The following SLC22A25 variants were observed in gnomAD, a reference collection of about 807,000 sequenced individuals.
SLC22A25 encodes the protein MGI:2442751, MGI:2385316, MGI:3042283, MGI:3645714, MGI:3605624, MGI:2442750.
Under a neutral mutation model 45.9 loss-of-function variants are expected in SLC22A25, and 44 were observed. The observed-to-expected ratio is 0.96, with a 90% CI of 0.75 to 1.23. The LOEUF is 1.23. SLC22A25 is among the 50% of genes most tolerant of loss of function. The pLI is 0.00. For synonymous variants in SLC22A25, 283 were observed against 238.6 expected, an observed-to-expected ratio of 1.19 and a Z score of -1.72; for missense variants, 800 against 666.4, an observed-to-expected ratio of 1.20 and a Z score of -2.21.
chr11:63,187,948 A>T (rs1484676055), intron 7 of SLC22A25, among the ~76,000 whole-genome samples: 1 of 152,178 alleles, frequency 6.6e-6, no homozygotes, highest in African/African-American at 2.4e-5. Flanking sequence ...TTGGTTTGCC[A>T]GTATTTTATT....
At chr11:63,235,287 G>A (rs1444178587) in intron 3 of SLC22A25, among the ~76,000 whole-genome samples, 1 of 152,202 alleles carries the variant, frequency 6.6e-6, no homozygotes. Context: ...ACACCAGTTA[G>A]ACGTAGATTT....
chr11:63,173,835 C>A (rs1480192672), intron 9 of SLC22A25, among the ~76,000 whole-genome samples: 2 of 151,744 alleles, frequency 1.3e-5, no homozygotes, highest in Admixed American at 1.3e-4. Flanking sequence ...TTGTTCAGTG[C>A]ATTGAATTTA....
Position 63,207,689 on chromosome 11 carries a change from C to A in SLC22A25, c.830+9625G>T, listed in dbSNP as rs1008206413. Among the ~76,000 whole-genome samples, 3 of 152,246 alleles carry A rather than the reference C, an allele frequency of 2.0e-5. No individual in the cohort carries two copies. The East Asian group carries it at 5.8e-4, about 29-fold the overall frequency. ...GCTGGAGTCCTTTAAAAATTAACTG[C>A]CTATTTTTCTGTGGCTAGTGAGCCT... On this transcript the variant is annotated intron_variant, in intron 7 of 11. Transcript: ENST00000306494.
chr11:63,199,726 G>T (rs2089177148), intron 7 of SLC22A25, among the ~76,000 whole-genome samples: 1 of 152,004 alleles, frequency 6.6e-6, no homozygotes, highest in Non-Finnish European at 1.5e-5. Context: ...GCAAGGCATT[G>T]TGGGTTGCAA....
chr11:63,192,356 A>G (rs2088846730), intron 7 of SLC22A25, among the ~76,000 whole-genome samples: 1 of 152,224 alleles, frequency 6.6e-6, no homozygotes, highest in Admixed American at 6.5e-5. Context: ...TATGGAAAAG[A>G]AAGTCCATTA....
intron 7 of SLC22A25, among the ~76,000 whole-genome samples, chr11:63,188,134 T>A (rs553664052): frequency 3.9e-5 from 6 of 152,358 alleles, no homozygotes; most frequent in African/African-American, 1.4e-4. Flanking sequence ...CAGCTCCTCT[T>A]TGTACCTCTG....
chr11:63,220,087 A>C, intron 5 of SLC22A25: 2 of 1,073,024 alleles, frequency 1.9e-6, no homozygotes, highest in Non-Finnish European at 2.5e-6. Context: ...ACAGACTGTG[A>C]CAATATTGTC....
intron 5 of SLC22A25, among the ~76,000 whole-genome samples, chr11:63,223,863 A>C (rs948434290): frequency 1.3e-5 from 2 of 151,888 alleles, no homozygotes; most frequent in African/African-American, 4.8e-5. Flanking sequence ...TTCTTAATCT[A>C]TTCATACCCA....
Position 63,217,399 on chromosome 11 carries a change from C to T in SLC22A25, c.745G>A (p.Gly249Arg). The T allele has an allele frequency of 6.2e-7, 1 of 1,613,976 alleles. No homozygotes were observed. Among genetic ancestry groups the T allele is most frequent in the Admixed American group, 1.7e-5 (1 of 59,932 alleles). Residue 249 changes from glycine (G) to arginine (R), a missense_variant, in exon 7 of 12, where the codon GGA becomes AGA. Coordinates refer to ENST00000306494, the MANE Select transcript of SLC22A25 (RefSeq NM_199352.6). ...CAASIGHITL[G>R]SLAFVIRDQC... Reference sequence around the variant, plus strand: ...TCTCGAATGACAAAAGCCAGGCTTCCCAGGGTTATATGTCCAATACTAGCA... The same window carrying T: ...TCTCGAATGACAAAAGCCAGGCTTCTCAGGGTTATATGTCCAATACTAGCA...
intron 5 of SLC22A25, 43 bp from the exon 6 acceptor site, chr11:63,217,778 C>A (rs759990945): frequency 5.1e-6 from 8 of 1,558,450 alleles, no homozygotes; most frequent in Non-Finnish European, 6.9e-6. Context: ...CAATAACAAC[C>A]TTTGGGAAAT....
In SLC22A25 at chr11:63,229,370, G is replaced by T; in HGVS notation, c.283C>A (p.Gln95Lys). Residue 95 changes from glutamine (Q) to lysine (K), a missense_variant, in exon 4 of 12, where the codon CAG (glutamine) becomes AAG (lysine). Coordinates refer to ENST00000306494, the MANE Select transcript of SLC22A25 (RefSeq NM_199352.6). ...PEKCRRFVHP[Q>K]WKLIHLNGTF... ...CCATTCAGATGAATGAGCTTCCACT[G>T]GGGATGGACAAAGCGACGACACTTC... is the stretch of plus-strand genomic sequence containing the variant. 1 of 1,614,078 alleles carries T rather than the reference G, an allele frequency of 6.2e-7. No homozygotes were observed. Among genetic ancestry groups the T allele is most frequent in the Middle Eastern group, 1.7e-4 (1 of 6,060 alleles).
chr11:63,240,860 C>T (rs899509902), intron 1 of SLC22A25, among the ~76,000 whole-genome samples: 2 of 152,148 alleles, frequency 1.3e-5, no homozygotes, highest in African/African-American at 4.8e-5. Flanking sequence ...TCCCATCCAA[C>T]CTGTTATGCA....
chr11:63,243,544 CA>C lies in SLC22A25; in HGVS notation c.-1107del. The stretch of plus-strand genomic sequence containing the variant: ...TCAAAGAGTCCAGCCCACTGACTGC[CA>C]AAAAGCTGTGCATTTATACCGACAA... On this transcript the variant is annotated 5_prime_UTR_variant, in exon 1 of 12. The change creates a premature stop within an existing upstream ORF in the 5' untranslated region. Coordinates refer to ENST00000306494, the MANE Select transcript of SLC22A25 (RefSeq NM_199352.6). 1 of 763,112 alleles carries C rather than the reference CA, an allele frequency of 1.3e-6. No individual in the cohort carries two copies. 47.3% of individuals were successfully genotyped at this position (763,112 alleles called of 1,614,324 possible). A position where few individuals can be genotyped will look rare whatever the true frequency, so the allele number is the denominator to read the frequency against.
chr11:63,220,989 T>C (rs2089840241), intron 5 of SLC22A25, among the ~76,000 whole-genome samples: 1 of 152,182 alleles, frequency 6.6e-6, no homozygotes, highest in Non-Finnish European at 1.5e-5. Context: ...ATACTCTACT[T>C]TGTATATGTA....
chr11:63,232,993 C>T (rs1224151656), intron 3 of SLC22A25, among the ~76,000 whole-genome samples: 3 of 152,152 alleles, frequency 2.0e-5, no homozygotes, highest in Admixed American at 6.5e-5. Flanking sequence ...CCCACTTGAT[C>T]ATGGTGGATA....
chr11:63,172,377 A>AT (rs2087919705), intron 9 of SLC22A25, among the ~76,000 whole-genome samples: 1 of 152,188 alleles, frequency 6.6e-6, no homozygotes, highest in Admixed American at 6.6e-5. Context: ...AATGGGATAA[A>AT]TTTTTGCCAT....
chr11:63,219,011 G>C (rs1192365419), intron 5 of SLC22A25, among the ~76,000 whole-genome samples: 2 of 152,186 alleles, frequency 1.3e-5, no homozygotes, highest in Non-Finnish European at 2.9e-5. Context: ...TCCACAAAAT[G>C]CTACTAGAAC....
intron 7 of SLC22A25, among the ~76,000 whole-genome samples, chr11:63,195,339 A>G (rs2088981520): frequency 6.6e-6 from 1 of 152,074 alleles, no homozygotes; most frequent in South Asian, 2.1e-4. Context: ...TCCAAAATTG[A>G]CCACAAAGTT....
In SLC22A25 at chr11:63,183,798, G is replaced by A. The variant is rs138987249; in HGVS notation, c.850C>T (p.Arg284Trp). The A allele has an allele frequency of 2.6e-5, 42 of 1,612,866 alleles. No individual in the cohort carries two copies. Among genetic ancestry groups the A allele is most frequent in the South Asian group, 1.1e-4 (10 of 91,008 alleles). ...GGTTTGTTGTTGATAATGAGCCACC[G>A]AGCAGACTCTGCCAGCCACCTGAGC... ...LFSRWLAESARWLIINNKPEE... is the reference protein window; with the variant it reads ...LFSRWLAESAWWLIINNKPEE... The change falls in exon 8 of 12, where the codon CGG becomes TGG. Residue 284 changes from arginine to tryptophan, a missense_variant. Coordinates refer to ENST00000306494, the MANE Select transcript of SLC22A25 (RefSeq NM_199352.6).
Sources: gnomAD v4.1 joint callset for allele counts (sites outside exome capture counted in the v4.1 genomes callset) on GRCh38, gnomAD v4.1.1 for gene constraint, MANE v1.5 for transcripts, NCBI Gene and HGNC (gene_info 2026-07-23, HGNC 2026-07-21) for gene names.